The following PALB2 variants were observed in gnomAD, a reference collection of about 807,000 sequenced individuals.
PALB2 encodes mutant partner and localizer of BRCA2.
In PALB2, 82 loss-of-function variants were observed where a neutral mutation model predicts 107.4. The observed-to-expected ratio is 0.76, with a 90% CI of 0.64 to 0.92. PALB2 has a LOEUF of 0.92. PALB2 is among the 40% of genes least tolerant of loss of function. PALB2 has a pLI of 0.00. For synonymous variants in PALB2, 489 were observed against 496.8 expected (o/e 0.98, Z 0.21); for missense variants, 1,374 against 1,379.9 (o/e 1.00, Z 0.07).
chr16:23,630,577 T>A, intron 4 of PALB2, 108 bp from the exon 5 acceptor site: 1 of 918,298 alleles, frequency 1.1e-6, no homozygotes, highest in Non-Finnish European at 1.7e-6. Flanking sequence ...AAAGAAACAT[T>A]TTAATGAACC....
At chr16:23,627,343 T>C (rs1211059186) in intron 6 of PALB2, among the ~76,000 whole-genome samples, 2 of 151,120 alleles carry the variant, frequency 1.3e-5, no homozygotes, top group Non-Finnish European at 3.0e-5. Flanking sequence ...AAAAATTAGC[T>C]GGGCGCGGTG....
At chr16:23,620,582 G>A (rs1257861431) in intron 10 of PALB2, among the ~76,000 whole-genome samples, 2 of 152,158 alleles carry the variant, frequency 1.3e-5, no homozygotes, top group Admixed American at 6.5e-5. Context: ...ATTTTTTCCA[G>A]AGTGTATACT....
chr16:23,620,222 C>A (rs78947358), intron 10 of PALB2, among the ~76,000 whole-genome samples: 39 of 152,264 alleles, frequency 2.6e-4, no homozygotes, highest in Non-Finnish European at 4.7e-4. Flanking sequence ...AGCAGTCTGA[C>A]CTATGAATAT....
chr16:23,635,446 T>G lies in PALB2; in HGVS notation c.1100A>C (p.Glu367Ala). Residue 367 changes from glutamate (E) to alanine (A), a missense_variant, in exon 4 of 13, where the codon GAA (glutamate) becomes GCA (alanine). By Grantham distance (107) the Glu-to-Ala change is moderately radical. Coordinates refer to ENST00000261584, the MANE Select transcript of PALB2 (RefSeq NM_024675.4). ...SPSDTLDGRN[E>A]NLQESEILSQ... ...TAGAATCTCACTTTCCTGAAGATTT[T>G]CATTCCTGCCATCAAGAGTGTCACT... The G allele has an allele frequency of 6.2e-7, 1 of 1,614,150 alleles. No individual in the cohort carries two copies.
At chr16:23,621,193 G>C (rs1367922875) in intron 10 of PALB2, among the ~76,000 whole-genome samples, 169 bp downstream of exon 10, 1 of 152,214 alleles carries the variant, frequency 6.6e-6, no homozygotes, top group African/African-American at 2.4e-5. Context: ...CTGGGTGATA[G>C]GAGGAGACTC....
At chr16:23,613,904 G>A in intron 11 of PALB2, 100 bp downstream of exon 11, 1 of 838,346 alleles carries the variant, frequency 1.2e-6, no homozygotes, top group East Asian at 2.6e-5. Flanking sequence ...GAAAAAAGAT[G>A]CCACGGGGAA....
chr16:23,622,881 C>T lies in PALB2; in HGVS notation c.2996+88G>A, dbSNP rs1331076081. 4.1e-5 allele frequency: 61 copies of T among 1,482,702 alleles called. 1 individual carries two copies. The highest frequency in any genetic ancestry group is 5.0e-5 in the Non-Finnish European group (53 of 1,064,608). The allele number at this position is 1,482,702 out of a possible 1,614,324, so 91.8% of individuals were successfully genotyped here. ...ATATTACACCCCCAGCACAGAAAAA[C>T]GAGATCCTAGTTACCCAACTTTCTC... On this transcript the variant is annotated intron_variant, in intron 9 of 12. Coordinates refer to ENST00000261584, the MANE Select transcript of PALB2 (RefSeq NM_024675.4).
intron 6 of PALB2, among the ~76,000 whole-genome samples, chr16:23,626,649 T>C (rs909157195): frequency 1.3e-5 from 2 of 152,080 alleles, no homozygotes; most frequent in Admixed American, 6.6e-5. Context: ...TGGGACTGAG[T>C]CTCACTTTAT....
rs1597089935 is a variant in PALB2, at chr16:23,630,000, C to T, written c.2154G>A (p.Arg718=). The change falls in exon 5 of 13, where the codon AGG becomes AGA. Residue 718 remains arginine, a synonymous_variant. Coordinates refer to ENST00000261584, the MANE Select transcript of PALB2 (RefSeq NM_024675.4). The part of the protein sequence containing the change: ...LNTVAPDDND[R]PTTDMCSPAF... ...CAGGTGAACACATGTCTGTGGTAGGCCTGTCATTATCATCAGGCGCAACCG... is the reference window on the plus strand; with the variant it reads ...CAGGTGAACACATGTCTGTGGTAGGTCTGTCATTATCATCAGGCGCAACCG... The T allele has an allele frequency of 6.2e-7, 1 of 1,614,004 alleles. No individual in the cohort carries two copies. Among genetic ancestry groups the T allele is most frequent in the South Asian group, 1.1e-5 (1 of 91,066 alleles).
chr16:23,623,886 C>G, intron 8 of PALB2, 123 bp downstream of exon 8: 1 of 705,198 alleles, frequency 1.4e-6, no homozygotes, highest in Non-Finnish European at 2.5e-6. Context: ...TTAAACAAAT[C>G]TCTCTCTCTT....
In PALB2 at chr16:23,641,259, T is replaced by TG; in HGVS notation, c.-103dup. ...GCCGGGGAGGCGCCCCAGGAAGGAA[T>TG]GGGGAGCCCGGGATCGCACCCTCAG... On this transcript the variant is annotated 5_prime_UTR_variant, in exon 1 of 13. Coordinates refer to ENST00000261584, the MANE Select transcript of PALB2 (RefSeq NM_024675.4). The TG allele has an allele frequency of 6.8e-7, 1 of 1,466,538 alleles. No individual in the cohort carries two copies. 90.8% of individuals were successfully genotyped at this position (1,466,538 alleles called of 1,614,324 possible).
Position 23,638,112 on chromosome 16 carries a change from T to C in PALB2, c.66A>G (p.Ala22=), listed in dbSNP as rs1057520982. The C allele has an allele frequency of 8.7e-6, 14 of 1,614,024 alleles. No homozygotes were observed. The highest frequency in any genetic ancestry group is 1.1e-5 in the Non-Finnish European group (13 of 1,179,884). Residue 22 remains alanine, a synonymous_variant, in exon 2 of 13, where the codon GCA becomes GCG. Transcript: ENST00000261584. ...EEKEKLKEKL[A]FLKREYSKTL... is the part of the protein sequence containing the mutation. Reference sequence around the variant, plus strand: ...TCTTGCTGTATTCCCTTTTCAAGAATGCTAATTTCTCCTTTAACTGGAAGA... The same window carrying C: ...TCTTGCTGTATTCCCTTTTCAAGAACGCTAATTTCTCCTTTAACTGGAAGA...
intron 1 of PALB2, 80 bp from the exon 2 acceptor site, chr16:23,638,209 T>C (rs2142462253): frequency 8.5e-7 from 1 of 1,169,738 alleles, no homozygotes; most frequent in Non-Finnish European, 1.3e-6. Context: ...CTTGGCGGGG[T>C]CCCTTGGCAA....
intron 10 of PALB2, among the ~76,000 whole-genome samples, chr16:23,616,434 A>G (rs911356456): frequency 6.6e-6 from 1 of 152,258 alleles, no homozygotes; most frequent in Non-Finnish European, 1.5e-5. Flanking sequence ...CAGGGACACC[A>G]GATGGGTGTC....
intron 7 of PALB2, among the ~76,000 whole-genome samples, chr16:23,625,196 G>C (rs1020867521): frequency 1.3e-5 from 2 of 152,058 alleles, no homozygotes; most frequent in African/African-American, 4.8e-5. Flanking sequence ...AGCTGGGCGT[G>C]GTGGTGGGCG....
At position 23,624,045 on chromosome 16, in the gene PALB2, C is replaced by G. The variant is rs730881891; in HGVS notation, c.2798G>C (p.Cys933Ser). The change falls in exon 8 of 13, where the codon TGT (cysteine) becomes TCT (serine). Residue 933 changes from cysteine (C) to serine (S), a missense_variant. Cys to Ser is a moderately radical substitution (Grantham distance 112). Coordinates refer to ENST00000261584, the MANE Select transcript of PALB2 (RefSeq NM_024675.4). ...GATTTCCAAATTTCCCAAAGCTACACACACGAGATTATACACATCAGGCAC... is the reference window on the plus strand; with the variant it reads ...GATTTCCAAATTTCCCAAAGCTACAGACACGAGATTATACACATCAGGCAC... Reference protein sequence around the residue: ...VPVPDVYNLVCVALGNLEIRE... With the variant: ...VPVPDVYNLVSVALGNLEIRE... 1 of 1,608,004 alleles carries G rather than the reference C, an allele frequency of 6.2e-7. No individual in the cohort carries two copies. Among genetic ancestry groups the G allele is most frequent in the South Asian group, 1.1e-5 (1 of 90,954 alleles).
At chr16:23,604,587 A>T (rs965419195) in intron 12 of PALB2, among the ~76,000 whole-genome samples, 2 of 150,176 alleles carry the variant, frequency 1.3e-5, no homozygotes, top group Non-Finnish European at 1.5e-5. Context: ...GCCAACATGG[A>T]GAAACCCGGT....
At chr16:23,624,210 T>C (rs2142345452) in intron 7 of PALB2, 116 bp from the exon 8 acceptor site, 1 of 734,984 alleles carries the variant, frequency 1.4e-6, no homozygotes, top group South Asian at 1.6e-5. Flanking sequence ...ATAATTTTCA[T>C]CATTTGAAGG....
chr16:23,635,089 T>G lies in PALB2; in HGVS notation c.1457A>C (p.Lys486Thr). 1.2e-6 allele frequency: 2 copies of G among 1,614,110 alleles called. No individual in the cohort carries two copies. Among genetic ancestry groups the G allele is most frequent in the Non-Finnish European group, 1.7e-6 (2 of 1,180,024 alleles). ...AGTGGGCCCAGCGGGAGAGCTGACT[T>G]TAGTTAATGAGAGAAGTTTCTGAGA... ...RTSQKLLSLT[K>T]VSSPAGPTED... The change falls in exon 4 of 13, where the codon AAA becomes ACA. Residue 486 changes from lysine (K) to threonine (T), a missense_variant. Physicochemically the swap from Lys to Thr is moderately conservative, Grantham distance 78. Coordinates refer to ENST00000261584, the MANE Select transcript of PALB2 (RefSeq NM_024675.4).
Sources: allele counts gnomAD v4.1 joint callset (sites outside exome capture counted in the v4.1 genomes callset), GRCh38; gene constraint gnomAD v4.1.1; transcripts MANE v1.5; gene names NCBI Gene and HGNC (gene_info 2026-07-23, HGNC 2026-07-21).